The following ZBBX variants were observed in gnomAD, a reference collection of about 807,000 sequenced individuals.
The protein encoded by ZBBX is zinc finger B-box domain containing, also known as zinc finger B-box domain-containing protein 1.
Under a neutral mutation model 108.5 loss-of-function variants are expected in ZBBX, and 101 were observed. The ratio of observed to expected loss-of-function variants is 0.93; its 90% CI spans 0.79 to 1.10. The LOEUF (loss-of-function observed/expected upper bound fraction) is 1.10. Ranked by LOEUF, ZBBX falls within the 50% of genes least tolerant of loss-of-function variation. The pLI is 0.00. For synonymous variants in ZBBX, 356 were observed against 323.4 expected (o/e 1.10, Z -1.08); for missense variants, 1,009 against 941.4 (o/e 1.07, Z -0.94).
At chr3:167,396,019 T>C (rs2108639775) in intron 1 of ZBBX, among the ~76,000 whole-genome samples, 1 of 152,134 alleles carries the variant, frequency 6.6e-6, no homozygotes, top group East Asian at 1.9e-4. Flanking sequence ...AAAAATCACT[T>C]GAGGAAGAAG....
downstream of ZBBX, among the ~76,000 whole-genome samples, chr3:167,239,169 A>T (rs1455678804): frequency 6.6e-6 from 1 of 152,098 alleles, no homozygotes; most frequent in African/African-American, 2.4e-5. Flanking sequence ...GTCTGAAGAA[A>T]GAATTCCCTC....
chr3:167,316,904 T>C, intron 14 of ZBBX, 101 bp downstream of exon 14: 1 of 615,686 alleles, frequency 1.6e-6, no homozygotes, highest in South Asian at 3.2e-5. Flanking sequence ...ACTATGTTAG[T>C]TATTTGAGAA....
chr3:167,310,309 T>C (rs1222134154), intron 16 of ZBBX, among the ~76,000 whole-genome samples: 6 of 152,194 alleles, frequency 3.9e-5, no homozygotes, highest in Admixed American at 2.6e-4. Context: ...CTTCTTTTCT[T>C]CTTCTGAGCC....
chr3:167,184,007 C>G, the ZBBX span, among the ~76,000 whole-genome samples: 3 of 152,202 alleles, frequency 2.0e-5, no homozygotes, highest in Admixed American at 2.0e-4. Context: ...CATCTATAGA[C>G]TAATGAAAAT....
rs1362761974 is a variant in ZBBX, at chr3:167,372,947, A to C, written c.-46T>G. ...CTAAAAGTTATTCTGATTTGTAAAC[A>C]CTTCTGTAAAAGTAACAAAGACAAA... On this transcript the variant is annotated 5_prime_UTR_variant, in exon 4 of 22. Coordinates refer to ENST00000675490, the MANE Select transcript of ZBBX (RefSeq NM_001199201.2). The C allele has an allele frequency of 1.4e-6, 2 of 1,449,638 alleles. No individual in the cohort carries two copies. Among genetic ancestry groups the C allele is most frequent in the Non-Finnish European group, 9.4e-7 (1 of 1,064,168 alleles). The allele number at this position is 1,449,638 out of a possible 1,614,324, so 89.8% of individuals were successfully genotyped here.
At chr3:167,365,596 A>G (rs1745196079) in intron 6 of ZBBX, among the ~76,000 whole-genome samples, 1 of 151,662 alleles carries the variant, frequency 6.6e-6, no homozygotes, top group Non-Finnish European at 1.5e-5. Context: ...ATTTAGTTCT[A>G]TTTTATATAC....
intron 4 of ZBBX, among the ~76,000 whole-genome samples, chr3:167,371,413 G>A (rs1315314513): frequency 3.9e-5 from 6 of 152,056 alleles, no homozygotes; most frequent in African/African-American, 1.4e-4. Context: ...CCTCACTCCT[G>A]CTCTAGCAGT....
At chr3:167,202,901 G>C in the ZBBX span, among the ~76,000 whole-genome samples, 1 of 152,160 alleles carries the variant, frequency 6.6e-6, no homozygotes, top group Admixed American at 6.6e-5. Flanking sequence ...GGTTCTTCTA[G>C]CAAACAGGTA....
intron 19 of ZBBX, among the ~76,000 whole-genome samples, chr3:167,284,179 C>CATATATATATAT (rs202245834): frequency 3.7e-4 from 43 of 117,608 alleles, no homozygotes; most frequent in Non-Finnish European, 6.8e-4. Flanking sequence ...GTGTTAAAAA[C>CATATATATATAT]ATATATCTAT....
chr3:167,205,589 C>A, the ZBBX span, among the ~76,000 whole-genome samples: 2 of 152,078 alleles, frequency 1.3e-5, no homozygotes, highest in African/African-American at 2.4e-5. Flanking sequence ...TTACTATATG[C>A]CAAGCACTTT....
At chr3:167,270,339 T>C (rs1242504686) in intron 20 of ZBBX, among the ~76,000 whole-genome samples, 2 of 152,186 alleles carry the variant, frequency 1.3e-5, no homozygotes, top group South Asian at 2.1e-4. Context: ...CTGCCGCTTA[T>C]GGATTGACTC....
chr3:167,182,444 G>A, the ZBBX span, among the ~76,000 whole-genome samples: 17 of 152,168 alleles, frequency 1.1e-4, no homozygotes, highest in African/African-American at 2.7e-4. Flanking sequence ...ATCTGCATAC[G>A]GTTCTTTTGG....
intron 9 of ZBBX, among the ~76,000 whole-genome samples, chr3:167,347,432 A>G (rs529709260): frequency 6.6e-6 from 1 of 152,134 alleles, no homozygotes; most frequent in Admixed American, 6.6e-5. Context: ...TAACTATGAC[A>G]GCATAGATAA....
At chr3:167,268,755 T>C (rs2108459773) in intron 20 of ZBBX, among the ~76,000 whole-genome samples, 1 of 152,326 alleles carries the variant, frequency 6.6e-6, no homozygotes. Context: ...CTGAGTGAAC[T>C]TCTCAGAGAA....
chr3:167,320,079 G>C (rs1417545211), intron 12 of ZBBX, among the ~76,000 whole-genome samples: 1 of 151,668 alleles, frequency 6.6e-6, no homozygotes. Flanking sequence ...TAGAATTGTG[G>C]CACCAGAATA....
rs181165351 is a variant in ZBBX at position 167,372,589 on chromosome 3, T to C, written c.68+245A>G. Among the ~76,000 whole-genome samples, 400 of 152,360 alleles carry C rather than the reference T, an allele frequency of 2.6e-3. 3 individuals carry two copies. The highest frequency in any genetic ancestry group is 8.9e-3 in the African/African-American group (370 of 41,584). ...CATGAAAAATATGTTTAACATTCTG[T>C]TGTATTACTTTAATAGGTAATGAAC... is the stretch of plus-strand genomic sequence containing the variant. On this transcript the variant is annotated intron_variant, in intron 4 of 21. Coordinates refer to ENST00000675490, the MANE Select transcript of ZBBX (RefSeq NM_001199201.2).
intron 6 of ZBBX, among the ~76,000 whole-genome samples, chr3:167,364,625 T>C (rs1291566289): frequency 6.6e-6 from 1 of 151,994 alleles, no homozygotes; most frequent in East Asian, 1.9e-4. Context: ...TTAGGAGTGA[T>C]ATAAGCACTT....
chr3:167,323,962 T>A (rs1000590594), intron 11 of ZBBX, among the ~76,000 whole-genome samples: 27 of 151,996 alleles, frequency 1.8e-4, no homozygotes, highest in Non-Finnish European at 1.5e-5. Flanking sequence ...AAGTTAAAAA[T>A]CAATAACAGA....
chr3:167,296,128 A>T (rs370657270), intron 18 of ZBBX, among the ~76,000 whole-genome samples: 20 of 152,156 alleles, frequency 1.3e-4, no homozygotes, highest in South Asian at 1.0e-3. Context: ...AATACACTAC[A>T]TTTATAGAAT....
Sources: allele counts gnomAD v4.1 joint callset (sites outside exome capture counted in the v4.1 genomes callset), GRCh38; gene constraint gnomAD v4.1.1; transcripts MANE v1.5; gene names NCBI Gene and HGNC (gene_info 2026-07-23, HGNC 2026-07-21).